NFIB: variants seen among roughly 807,000 people sequenced by gnomAD.
The protein encoded by NFIB is nuclear factor 1 B-type.
NFIB carries 11 observed loss-of-function variants against 61.5 expected under a neutral mutation model. The ratio of observed to expected loss-of-function variants is 0.18; its 90% CI spans 0.11 to 0.30. The LOEUF (loss-of-function observed/expected upper bound fraction) is 0.30. NFIB is among the 10% of genes least tolerant of loss of function. The pLI is 1.00. For missense variants in NFIB, 471 were observed against 608.9 expected, an observed-to-expected ratio of 0.77 and a Z score of 2.38; for synonymous variants, 260 against 216.5, an observed-to-expected ratio of 1.20 and a Z score of -1.76.
intron 2 of NFIB, among the ~76,000 whole-genome samples, chr9:14,267,997 T>C (rs930351882): frequency 6.6e-6 from 1 of 151,854 alleles, no homozygotes; most frequent in Non-Finnish European, 1.5e-5. Flanking sequence ...CCCGGCATGA[T>C]GGCGGGTGCC....
At chr9:14,276,999 GT>G (rs1391564383) in intron 2 of NFIB, among the ~76,000 whole-genome samples, 2 of 151,974 alleles carry the variant, frequency 1.3e-5, no homozygotes, top group East Asian at 3.9e-4. Context: ...AACTTTTCTT[GT>G]ACTGAACTGC....
At chr9:14,333,763 A>C (rs1043766360) in intron 1 of NFIB, among the ~76,000 whole-genome samples, 1 of 152,240 alleles carries the variant, frequency 6.6e-6, no homozygotes, top group East Asian at 1.9e-4. Flanking sequence ...GAAAGTATAC[A>C]TCACGAGTGT....
intron 1 of NFIB, chr9:14,362,173 T>G (rs1031061391): frequency 2.6e-5 from 4 of 152,018 alleles, no homozygotes; most frequent in African/African-American, 9.7e-5. Context: ...AAAGAAAAAA[T>G]CAAATACCCC....
At chr9:14,258,723 A>G (rs188266849) in intron 2 of NFIB, among the ~76,000 whole-genome samples, 71 of 152,360 alleles carry the variant, frequency 4.7e-4, no homozygotes, top group Non-Finnish European at 8.8e-5. Context: ...CGTGCTTTTA[A>G]AAGTTTTACA....
chr9:14,473,112 G>A, the NFIB span, among the ~76,000 whole-genome samples: 1 of 152,210 alleles, frequency 6.6e-6, no homozygotes, highest in Non-Finnish European at 1.5e-5. Flanking sequence ...TTCTAGAGGT[G>A]AAGGAATGGA....
chr9:14,401,822 C>A (rs910684830), upstream of NFIB, among the ~76,000 whole-genome samples: 1 of 152,230 alleles, frequency 6.6e-6, no homozygotes, highest in East Asian at 1.9e-4. Flanking sequence ...TACAGAAATT[C>A]TTTTCCAGAA....
chr9:14,453,577 C>G, the NFIB span, among the ~76,000 whole-genome samples: 208 of 152,290 alleles, frequency 1.4e-3, 2 homozygotes, highest in South Asian at 8.1e-3. Context: ...ATTAAGAAAA[C>G]AAGACTAAGA....
At chr9:14,499,351 A>T in the NFIB span, among the ~76,000 whole-genome samples, 2 of 152,036 alleles carry the variant, frequency 1.3e-5, no homozygotes, top group Non-Finnish European at 2.9e-5. Context: ...TCTTCAGTGG[A>T]AGCTGGGAAG....
the NFIB span, among the ~76,000 whole-genome samples, chr9:14,407,426 G>C: frequency 6.6e-6 from 1 of 152,110 alleles, no homozygotes; most frequent in East Asian, 1.9e-4. Context: ...ATGAGACAAG[G>C]AGAGAAAGTC....
the NFIB span, among the ~76,000 whole-genome samples, chr9:14,469,692 T>C: frequency 1.3e-5 from 2 of 152,258 alleles, no homozygotes; most frequent in African/African-American, 4.8e-5. Context: ...ATTCCCCCTT[T>C]CAGACATTAA....
intron 1 of NFIB, among the ~76,000 whole-genome samples, chr9:14,363,475 A>G (rs1038338033): frequency 2.0e-5 from 3 of 152,210 alleles, no homozygotes; most frequent in African/African-American, 7.2e-5. Flanking sequence ...TTTGTTTTAC[A>G]GTAAAGTTGA....
chr9:14,238,661 T>C (rs1332713364), intron 2 of NFIB, among the ~76,000 whole-genome samples: 2 of 152,188 alleles, frequency 1.3e-5, no homozygotes. Context: ...AATCAGTTCA[T>C]TTCCAAACAA....
intron 2 of NFIB, among the ~76,000 whole-genome samples, chr9:14,196,464 G>A (rs1416130969): frequency 6.6e-6 from 1 of 151,944 alleles, no homozygotes; most frequent in East Asian, 1.9e-4. Context: ...TTTAAGGGAG[G>A]GAATGCTGCC....
rs372731364 is a variant in NFIB, at chr9:14,284,785, C to G, written c.562+22204G>C. 4.0e-3 allele frequency among the ~76,000 whole-genome samples: 605 copies of G among 152,216 alleles called. 2 individuals carry two copies. Among genetic ancestry groups the G allele is most frequent in the Non-Finnish European group, 7.2e-3 (487 of 68,016 alleles). On this transcript the variant is annotated intron_variant, in intron 2 of 10. Transcript: ENST00000380953. ...CTTCTAAGGAAAACCATTAATCTAGCATAGGGTGAGTGGGATAGGGAAGAT... is the reference window on the plus strand; with the variant it reads ...CTTCTAAGGAAAACCATTAATCTAGGATAGGGTGAGTGGGATAGGGAAGAT...
At position 14,168,185 on chromosome 9, in the gene NFIB, G is replaced by A. The variant is rs189267433; in HGVS notation, c.616+11542C>T. Among the ~76,000 whole-genome samples, 13 of 152,292 alleles carry A rather than the reference G, an allele frequency of 8.5e-5. No homozygotes were observed. The East Asian group carries it at 2.5e-3, about 29-fold the overall frequency. On this transcript the variant is annotated intron_variant, in intron 3 of 10. Transcript: ENST00000380953. ...AATGATCCCACACACTGCAAGAACA[G>A]GTTATTTATTTAGTCTATTATTGGT...
intron 1 of NFIB, among the ~76,000 whole-genome samples, chr9:14,395,558 T>G (rs2061674627): frequency 1.3e-5 from 2 of 151,698 alleles, no homozygotes; most frequent in Admixed American, 6.6e-5. Context: ...TAATCCACAC[T>G]AAAATAAAAC....
At chr9:14,159,080 G>A (rs943130174) in intron 3 of NFIB, among the ~76,000 whole-genome samples, 1 of 152,182 alleles carries the variant, frequency 6.6e-6, no homozygotes, top group Non-Finnish European at 1.5e-5. Flanking sequence ...AGATGGAGTG[G>A]GGTGTGAGCC....
chr9:14,456,033 G>C, the NFIB span, among the ~76,000 whole-genome samples: 1 of 152,154 alleles, frequency 6.6e-6, no homozygotes, highest in African/African-American at 2.4e-5. Context: ...GCAAAAACAA[G>C]TTGGACCTGA....
At chr9:14,435,949 C>G in the NFIB span, among the ~76,000 whole-genome samples, 1 of 152,240 alleles carries the variant, frequency 6.6e-6, no homozygotes, top group Non-Finnish European at 1.5e-5. Flanking sequence ...TAAATTACTT[C>G]ACACATTGGA....
Sources: allele counts gnomAD v4.1 joint callset (sites outside exome capture counted in the v4.1 genomes callset), GRCh38; gene constraint gnomAD v4.1.1; transcripts MANE v1.5; gene names NCBI Gene and HGNC (gene_info 2026-07-23, HGNC 2026-07-21).